CYP2R1: variants seen among roughly 807,000 people sequenced by gnomAD.
The protein encoded by CYP2R1 is vitamin D 25-hydroxylase.
A neutral mutation model predicts 45.7 loss-of-function variants in CYP2R1; 40 were observed. That is an observed-to-expected ratio of 0.87 (90% CI 0.68 to 1.14). The LOEUF (loss-of-function observed/expected upper bound fraction) is 1.14. CYP2R1 is among the 50% of genes most tolerant of loss of function. CYP2R1 has a pLI of 0.00. For missense variants in CYP2R1, 605 were observed against 602.6 expected (o/e 1.00, Z -0.04); for synonymous variants, 234 against 219.3 (o/e 1.07, Z -0.59).
chr11:14,884,164 T>A (rs370231313), intron 2 of CYP2R1, among the ~76,000 whole-genome samples: 17 of 151,532 alleles, frequency 1.1e-4, no homozygotes, highest in South Asian at 2.1e-4. Flanking sequence ...CATTTGACCC[T>A]GCCATCCCAT....
Position 14,892,041 on chromosome 11 carries a change from C to G in CYP2R1, c.165G>C (p.Leu55=), listed in dbSNP as rs1555017249. 1 of 1,613,204 alleles carries G rather than the reference C, an allele frequency of 6.2e-7. No homozygotes were observed. The highest frequency in any genetic ancestry group is 1.7e-5 in the Admixed American group (1 of 60,010). ...CATGGGGAAGCTCGGATGAGGCTGCCAGGGAATAGATGTTGCCGATAAATG... is the reference window on the plus strand; with the variant it reads ...CATGGGGAAGCTCGGATGAGGCTGCGAGGGAATAGATGTTGCCGATAAATG... The part of the protein sequence containing the change: ...GLPFIGNIYS[L]AASSELPHVY... The change falls in exon 1 of 5, where the codon CTG becomes CTC. Residue 55 remains leucine, a synonymous_variant. Coordinates refer to ENST00000334636, the MANE Select transcript of CYP2R1 (RefSeq NM_024514.5).
In CYP2R1 at chr11:14,885,871, C is replaced by G; in HGVS notation, c.272G>C (p.Gly91Ala). 6.2e-7 allele frequency: 1 copy of G among 1,613,484 alleles called. No homozygotes were observed. The highest frequency in any genetic ancestry group is 8.5e-7 in the Non-Finnish European group (1 of 1,179,696). ...AAGGCATTCCTTTACTACATCATAG[C>G]CATTTAGAACCACAGTTGATATGCC... ...LGGISTVVLNGYDVVKECLVH... is the reference protein window; with the variant it reads ...LGGISTVVLNAYDVVKECLVH... The change falls in exon 2 of 5, where the codon GGC becomes GCC. Residue 91 changes from glycine to alanine, a missense_variant. Coordinates refer to ENST00000334636, the MANE Select transcript of CYP2R1 (RefSeq NM_024514.5).
At chr11:14,884,474 C>A (rs1398687606) in intron 2 of CYP2R1, among the ~76,000 whole-genome samples, 1 of 139,696 alleles carries the variant, frequency 7.2e-6, no homozygotes, top group Non-Finnish European at 1.5e-5. Context: ...TAGGTGGGAA[C>A]TGAACAATGA....
intron 1 of CYP2R1, chr11:14,890,387 G>A (rs1323649238): frequency 1.3e-6 from 1 of 746,032 alleles, no homozygotes; most frequent in Non-Finnish European, 1.6e-6. Flanking sequence ...ACTCAATTCT[G>A]GGAGAATTGC....
rs782698706 is a variant in CYP2R1, at chr11:14,885,927, G to A, written c.226-10C>T. 8 of 1,612,496 alleles carry A rather than the reference G, an allele frequency of 5.0e-6. No homozygotes were observed. The highest frequency in any genetic ancestry group is 6.8e-6 in the Non-Finnish European group (8 of 1,178,976). On this transcript the variant is annotated splice_polypyrimidine_tract_variant and intron_variant, in intron 1 of 4. Transcript: ENST00000334636. ...GATCTAAACTGAAGATCTTTGAGAA[G>A]AGAAGAAAAACAACATTTAAATGAC...
chr11:14,884,507 G>A (rs1180616482), intron 2 of CYP2R1, among the ~76,000 whole-genome samples: 2 of 137,872 alleles, frequency 1.5e-5, no homozygotes, highest in Admixed American at 1.6e-4. Context: ...ACAGGAAGGG[G>A]AACATCACAC....
intron 2 of CYP2R1, among the ~76,000 whole-genome samples, chr11:14,884,909 A>C (rs1264124345): frequency 6.6e-6 from 1 of 151,778 alleles, no homozygotes; most frequent in Non-Finnish European, 1.5e-5. Context: ...TCTTTGGTCT[A>C]ATTGTTTGTT....
chr11:14,889,766 CAT>C (rs1353100911), intron 1 of CYP2R1, among the ~76,000 whole-genome samples: 3 of 152,138 alleles, frequency 2.0e-5, no homozygotes, highest in African/African-American at 7.2e-5. Flanking sequence ...TGTGAGAAAC[CAT>C]TTCAAATAAC....
chr11:14,891,951 C>T (rs1555017195), intron 1 of CYP2R1, 30 bp downstream of exon 1: 6 of 1,607,338 alleles, frequency 3.7e-6, no homozygotes. Context: ...CCTGGCGGCC[C>T]TCCCTGCCCG....
chr11:14,891,013 A>C (rs1848831006), intron 1 of CYP2R1: 1 of 985,334 alleles, frequency 1.0e-6, no homozygotes. Context: ...CCAACTCCTT[A>C]AAAGGCTGTA....
Position 14,880,135 on chromosome 11 carries a change from C to A in CYP2R1, c.1000+1G>T. ...CCTGAGATCATCAAGAGAATCCTCA[C>A]CTTGAATATTAGGATAAAGGGCCAT... On this transcript the variant is annotated splice_donor_variant, in intron 3 of 4. Coordinates refer to ENST00000334636, the MANE Select transcript of CYP2R1 (RefSeq NM_024514.5). LOFTEE classifies it high-confidence loss of function. 1 of 1,612,318 alleles carries A rather than the reference C, an allele frequency of 6.2e-7. No homozygotes were observed. Among genetic ancestry groups the A allele is most frequent in the East Asian group, 2.2e-5 (1 of 44,842 alleles).
At chr11:14,890,538 T>TC (rs1565189431) in intron 1 of CYP2R1, 2 of 109,768 alleles carry the variant, frequency 1.8e-5, no homozygotes, top group Non-Finnish European at 1.2e-5. Flanking sequence ...AGACCAATTC[T>TC]TTTTTTTTTT....
At chr11:14,888,638 T>C (rs1205338161) in intron 1 of CYP2R1, among the ~76,000 whole-genome samples, 1 of 152,150 alleles carries the variant, frequency 6.6e-6, no homozygotes, top group Non-Finnish European at 1.5e-5. Flanking sequence ...ATGGCACTTA[T>C]TTAACACTAT....
At chr11:14,886,334 A>G in intron 1 of CYP2R1, 1 of 175,550 alleles carries the variant, frequency 5.7e-6, no homozygotes, top group Admixed American at 5.5e-5. Flanking sequence ...ATATCTAGGA[A>G]TCTCCTTCTA....
intron 1 of CYP2R1, chr11:14,891,665 C>T: frequency 8.6e-7 from 1 of 1,166,172 alleles, no homozygotes; most frequent in Non-Finnish European, 1.1e-6. Context: ...GAAGTGGCGG[C>T]GCGGCTGGCG....
At chr11:14,886,210 A>C (rs1404298761) in intron 1 of CYP2R1, 1 of 386,816 alleles carries the variant, frequency 2.6e-6, no homozygotes, top group African/African-American at 2.0e-5. Context: ...GCCATTAAAC[A>C]GATAAAAGAC....
In CYP2R1 at chr11:14,878,176, C is replaced by T. The variant is rs782675680; in HGVS notation, c.1452G>A (p.Arg484=). 4 of 1,613,004 alleles carry T rather than the reference C, an allele frequency of 2.5e-6. No homozygotes were observed. Among genetic ancestry groups the T allele is most frequent in the Admixed American group, 1.7e-5 (1 of 59,828 alleles). ...PHELVPDLKP[R]LGMTLQPQPY... ...GTTGGGGCTGCAATGTCATGCCTAA[C>T]CTGGGCTTCAGATCTGGAACTAGTT... The change falls in exon 5 of 5, where the codon AGG becomes AGA. Residue 484 remains arginine, a synonymous_variant. Coordinates refer to ENST00000334636, the MANE Select transcript of CYP2R1 (RefSeq NM_024514.5).
intron 2 of CYP2R1, among the ~76,000 whole-genome samples, chr11:14,882,109 T>C (rs1320239113): frequency 6.6e-6 from 1 of 152,146 alleles, no homozygotes; most frequent in Non-Finnish European, 1.5e-5. Context: ...TACTCCCAGA[T>C]GACTATTCAT....
At position 14,879,323 on chromosome 11, in the gene CYP2R1, A is replaced by C. The variant is rs781997254; in HGVS notation, c.1121T>G (p.Ile374Arg). The change falls in exon 4 of 5, where the codon ATA (isoleucine) becomes AGA (arginine). Residue 374 changes from isoleucine to arginine, a missense_variant. Transcript: ENST00000334636. ...VLHEVLRFCN[I>R]VPLGIFHATS... The stretch of plus-strand genomic sequence containing the variant: ...TGCATGGAAAATCCCTAATGGAACT[A>C]TATTACAGAATCTTAAAACTTCATG... 1 of 1,613,102 alleles carries C rather than the reference A, an allele frequency of 6.2e-7. No homozygotes were observed. The highest frequency in any genetic ancestry group is 1.1e-5 in the South Asian group (1 of 91,064).
Sources: allele counts gnomAD v4.1 joint callset (sites outside exome capture counted in the v4.1 genomes callset), GRCh38; gene constraint gnomAD v4.1.1; transcripts MANE v1.5; gene names NCBI Gene and HGNC (gene_info 2026-07-23, HGNC 2026-07-21).